KCNMA1: variants seen among roughly 807,000 people sequenced by gnomAD.
KCNMA1 encodes the protein Calcium-activated potassium channel subunit alpha-1.
In KCNMA1, 29 loss-of-function variants were observed where a neutral mutation model predicts 140.0. The ratio of observed to expected loss-of-function variants is 0.21; its 90% CI spans 0.15 to 0.28. The LOEUF is 0.28. Ranked by LOEUF, KCNMA1 falls within the 10% of genes least tolerant of loss-of-function variation. The pLI is 1.00. For synonymous variants in KCNMA1, 612 were observed against 611.9 expected (o/e 1.00, Z 0.00); for missense variants, 880 against 1,602.2 (o/e 0.55, Z 7.70).
At chr10:77,208,011 T>A (rs1429547060) in intron 3 of KCNMA1, among the ~76,000 whole-genome samples, 3 of 152,240 alleles carry the variant, frequency 2.0e-5, no homozygotes, top group African/African-American at 7.2e-5. Context: ...CGCACTTCTT[T>A]TGTCCTCATT....
intron 1 of KCNMA1, among the ~76,000 whole-genome samples, chr10:77,404,409 G>A (rs2096395199): frequency 6.6e-6 from 1 of 151,990 alleles, no homozygotes; most frequent in South Asian, 2.1e-4. Flanking sequence ...CTCCCTAGTA[G>A]CTAGAATTAC....
At chr10:77,065,144 A>G (rs2095881003) in intron 14 of KCNMA1, among the ~76,000 whole-genome samples, 1 of 152,206 alleles carries the variant, frequency 6.6e-6, no homozygotes, top group Non-Finnish European at 1.5e-5. Flanking sequence ...TTGAGTAGCT[A>G]TTATGAGTCA....
intron 14 of KCNMA1, among the ~76,000 whole-genome samples, chr10:77,068,859 AC>A (rs1209300084): frequency 1.1e-3 from 1 of 894 alleles, no homozygotes; most frequent in Non-Finnish European, 2.5e-3. Context: ...CTAAACACAC[AC>A]ACACACACAC....
intron 1 of KCNMA1, among the ~76,000 whole-genome samples, chr10:77,633,201 G>T (rs1187807635): frequency 1.3e-5 from 2 of 152,178 alleles, no homozygotes; most frequent in Non-Finnish European, 2.9e-5. Flanking sequence ...TGTAGTCCCA[G>T]CTACTTGGGA....
intron 23 of KCNMA1, among the ~76,000 whole-genome samples, chr10:76,933,854 A>T (rs1283559552): frequency 6.6e-6 from 1 of 152,212 alleles, no homozygotes; most frequent in Non-Finnish European, 1.5e-5. Context: ...GCATTTAAGG[A>T]CTAGCCATAT....
At chr10:77,176,409 A>G (rs1471951828) in intron 5 of KCNMA1, among the ~76,000 whole-genome samples, 1 of 152,222 alleles carries the variant, frequency 6.6e-6, no homozygotes, top group Non-Finnish European at 1.5e-5. Flanking sequence ...TTGCGTAAGA[A>G]CAACAGACAA....
chr10:77,323,404 G>T (rs1305866925), intron 2 of KCNMA1, among the ~76,000 whole-genome samples: 2 of 152,194 alleles, frequency 1.3e-5, no homozygotes. Context: ...GAAGTGGGGG[G>T]CAAATTCTAA....
chr10:77,343,881 G>A (rs2091566153), intron 2 of KCNMA1, among the ~76,000 whole-genome samples: 2 of 152,206 alleles, frequency 1.3e-5, no homozygotes, highest in Non-Finnish European at 2.9e-5. Context: ...GAAGGAACCA[G>A]TCATTGAGGC....
In KCNMA1 at chr10:77,475,123, C is replaced by T. The variant is rs934379663; in HGVS notation, c.379-71100G>A. Among the ~76,000 whole-genome samples, 4 of 152,172 alleles carry T rather than the reference C, an allele frequency of 2.6e-5. No homozygotes were observed. In the East Asian group the frequency reaches 7.7e-4, roughly 29 times the overall value. On this transcript the variant is annotated intron_variant, in intron 1 of 27. Transcript: ENST00000286628. ...ATTTGCTAAGTGCCTCAACTTGTCCCCCTCCCGGGCATCTGTAAATGAGAT... is the reference window on the plus strand; with the variant it reads ...ATTTGCTAAGTGCCTCAACTTGTCCTCCTCCCGGGCATCTGTAAATGAGAT...
intron 3 of KCNMA1, among the ~76,000 whole-genome samples, chr10:77,190,699 C>G (rs891489538): frequency 1.3e-4 from 20 of 152,158 alleles, no homozygotes; most frequent in Admixed American, 6.6e-4. Context: ...CTAACCCTAA[C>G]CCTGCTCTGT....
intron 1 of KCNMA1, among the ~76,000 whole-genome samples, chr10:77,474,170 A>G (rs375507247): frequency 1.3e-5 from 2 of 152,252 alleles, no homozygotes; most frequent in African/African-American, 4.8e-5. Context: ...CCAGACACAC[A>G]GCAAAGACAT....
intron 1 of KCNMA1, among the ~76,000 whole-genome samples, chr10:77,487,711 A>T (rs1281368383): frequency 6.6e-6 from 1 of 152,230 alleles, no homozygotes; most frequent in African/African-American, 2.4e-5. Context: ...GAAGATTTTT[A>T]AAAATTGTTA....
chr10:77,252,549 G>A (rs1271355900), intron 2 of KCNMA1, among the ~76,000 whole-genome samples: 1 of 151,754 alleles, frequency 6.6e-6, no homozygotes, highest in Non-Finnish European at 1.5e-5. Context: ...GTGTGTGTGT[G>A]TGTGTGTGCG....
chr10:77,186,781 G>A lies in KCNMA1; in HGVS notation c.603-1865C>T, dbSNP rs762648236. Among the ~76,000 whole-genome samples, 38 of 13,396 alleles carry A rather than the reference G, an allele frequency of 2.8e-3. 2 individuals carry two copies. The East Asian group carries it at 0.27, about 95-fold the overall frequency. 8.8% of individuals were successfully genotyped at this position (13,396 alleles called of 152,430 possible). ...GGATACGTTACTAAAGAGTAAATGTGTGTGTGTGTGTGTGTGTGTGTGTGT... is the reference window on the plus strand; with the variant it reads ...GGATACGTTACTAAAGAGTAAATGTATGTGTGTGTGTGTGTGTGTGTGTGT... On this transcript the variant is annotated intron_variant, in intron 3 of 27. Coordinates refer to ENST00000286628, the MANE Select transcript of KCNMA1 (RefSeq NM_001161352.2).
chr10:77,026,243 G>A (rs2093446059), intron 16 of KCNMA1, among the ~76,000 whole-genome samples: 1 of 152,122 alleles, frequency 6.6e-6, no homozygotes, highest in African/African-American at 2.4e-5. Flanking sequence ...AAGGTTCAGG[G>A]TGCAATCTCC....
At chr10:76,945,884 C>A (rs1390584559) in intron 22 of KCNMA1, among the ~76,000 whole-genome samples, 1 of 151,838 alleles carries the variant, frequency 6.6e-6, no homozygotes, top group Non-Finnish European at 1.5e-5. Flanking sequence ...GGAAAAATAG[C>A]CATTACACTA....
chr10:77,246,451 C>G (rs2058561223), intron 3 of KCNMA1, among the ~76,000 whole-genome samples: 1 of 152,198 alleles, frequency 6.6e-6, no homozygotes, highest in African/African-American at 2.4e-5. Flanking sequence ...CCTCTCTTCC[C>G]TTTTGAAACA....
chr10:77,155,116 C>T (rs1050111987), intron 5 of KCNMA1, among the ~76,000 whole-genome samples: 3 of 151,966 alleles, frequency 2.0e-5, no homozygotes, highest in Non-Finnish European at 2.9e-5. Context: ...CTTTATGGGC[C>T]GTAAGGAGGT....
intron 1 of KCNMA1, among the ~76,000 whole-genome samples, chr10:77,620,339 C>T (rs766860168): frequency 6.6e-6 from 1 of 152,192 alleles, no homozygotes; most frequent in Non-Finnish European, 1.5e-5. Context: ...CCCCAACTGC[C>T]ACTTTCCATG....
Sources: gnomAD v4.1 joint callset for allele counts (sites outside exome capture counted in the v4.1 genomes callset) on GRCh38, gnomAD v4.1.1 for gene constraint, MANE v1.5 for transcripts, NCBI Gene and HGNC (gene_info 2026-07-23, HGNC 2026-07-21) for gene names.